Variants in ITGA9 observed in about 807,000 individuals in gnomAD.
ITGA9 encodes the protein integrin alpha-9.
ITGA9 carries 56 observed loss-of-function variants against 127.8 expected under a neutral mutation model. That is an observed-to-expected ratio of 0.44 (90% CI 0.35 to 0.55). ITGA9 has a LOEUF of 0.55. Ranked by LOEUF, ITGA9 falls within the 20% of genes least tolerant of loss-of-function variation. The probability of loss-of-function intolerance (pLI) is 0.00; values close to 1 mark genes in which losing one functional copy is unlikely to be tolerated. For synonymous variants in ITGA9, 508 were observed against 514.5 expected, an observed-to-expected ratio of 0.99 and a Z score of 0.17; for missense variants, 1,196 against 1,347.1, an observed-to-expected ratio of 0.89 and a Z score of 1.76.
At chr3:37,553,013 T>TAAA (rs10662748) in intron 15 of ITGA9, among the ~76,000 whole-genome samples, 7,331 of 137,034 alleles carry the variant, frequency 0.053, 234 homozygotes, top group African/African-American at 0.073. Context: ...AGACTCCATC[T>TAAA]AAAAAAAAAA....
At chr3:37,538,487 T>C (rs1559531493) in intron 14 of ITGA9, among the ~76,000 whole-genome samples, 1 of 152,130 alleles carries the variant, frequency 6.6e-6, no homozygotes, top group Non-Finnish European at 1.5e-5. Flanking sequence ...AAATGTGCTG[T>C]TGGAGCAGGC....
chr3:37,709,870 G>C (rs1701058956), intron 18 of ITGA9, among the ~76,000 whole-genome samples: 1 of 152,232 alleles, frequency 6.6e-6, no homozygotes. Flanking sequence ...TGCTACTCAG[G>C]AAGCAGAGGC....
At chr3:37,495,248 G>A (rs577990119) in intron 5 of ITGA9, among the ~76,000 whole-genome samples, 4 of 152,256 alleles carry the variant, frequency 2.6e-5, no homozygotes, top group Admixed American at 1.3e-4. Context: ...CACCACACCC[G>A]GCCTGAGAGA....
At position 37,599,225 on chromosome 3, in the gene ITGA9, A is replaced by G. The variant is rs746702205; in HGVS notation, c.1690-29962A>G. ...ACACAACAGCCATTTATTATTGTGT[A>G]TAAGTCTCTGGGTTAGCTGGATAGT... On this transcript the variant is annotated intron_variant, in intron 15 of 27. Coordinates refer to ENST00000264741, the MANE Select transcript of ITGA9 (RefSeq NM_002207.3). 9.9e-5 allele frequency among the ~76,000 whole-genome samples: 15 copies of G among 152,216 alleles called. 1 individual carries two copies. Among genetic ancestry groups the G allele is most frequent in the Admixed American group, 6.5e-4 (10 of 15,278 alleles).
intron 15 of ITGA9, among the ~76,000 whole-genome samples, chr3:37,556,909 C>G (rs1000928926): frequency 1.1e-4 from 16 of 152,170 alleles, no homozygotes; most frequent in African/African-American, 3.9e-4. Context: ...AGCTCGCCAG[C>G]CCACGCTGAT....
chr3:37,653,690 C>T, intron 16 of ITGA9, 24 bp from the exon 17 acceptor site: 1 of 1,582,858 alleles, frequency 6.3e-7, no homozygotes, highest in Middle Eastern at 1.7e-4. Flanking sequence ...CTGCCCTAAC[C>T]TTCCTCTCCT....
chr3:37,588,430 C>A (rs1344056348), intron 15 of ITGA9, among the ~76,000 whole-genome samples: 1 of 152,022 alleles, frequency 6.6e-6, no homozygotes, highest in Non-Finnish European at 1.5e-5. Flanking sequence ...CCCACAGAGG[C>A]TGCCCTTGGA....
In ITGA9 at chr3:37,452,353, G is replaced by A. The variant is rs1698200608; in HGVS notation, c.-22G>A. The stretch of plus-strand genomic sequence containing the variant: ...CGGCGCCCTGCTCGCCGGGCAGAGG[G>A]GAAGGCGGCGGCCGGCTGGGGATGG... On this transcript the variant is annotated 5_prime_UTR_variant, in exon 1 of 28. Coordinates refer to ENST00000264741, the MANE Select transcript of ITGA9 (RefSeq NM_002207.3). This position sits in a 1 kb window ranked among gnomAD's most constrained non-coding sequence, Gnocchi z 7.3. 3 of 1,148,506 alleles carry A rather than the reference G, an allele frequency of 2.6e-6. No homozygotes were observed. The highest frequency in any genetic ancestry group is 3.2e-6 in the Non-Finnish European group (3 of 937,300). 71.1% of individuals were successfully genotyped at this position (1,148,506 alleles called of 1,614,324 possible). A position where few individuals can be genotyped will look rare whatever the true frequency, so the allele number is the denominator to read the frequency against.
At chr3:37,523,874 T>C (rs1699068681) in intron 12 of ITGA9, among the ~76,000 whole-genome samples, 2 of 152,130 alleles carry the variant, frequency 1.3e-5, no homozygotes, top group South Asian at 2.1e-4. Context: ...GTAATTCTAA[T>C]GAAGAAAAAA....
At chr3:37,748,201 A>G (rs951500787) in intron 22 of ITGA9, 11 of 458,184 alleles carry the variant, frequency 2.4e-5, no homozygotes, top group East Asian at 1.6e-4. Context: ...GGCCACGTGT[A>G]TGCAAATCTA....
intron 15 of ITGA9, among the ~76,000 whole-genome samples, chr3:37,624,362 A>G (rs1700156754): frequency 6.6e-6 from 1 of 151,880 alleles, no homozygotes. Context: ...CCGAATTGAA[A>G]TGCGTGTCTT....
chr3:37,741,898 T>A, intron 21 of ITGA9, 79 bp downstream of exon 21: 1 of 1,182,390 alleles, frequency 8.5e-7, no homozygotes, highest in Non-Finnish European at 1.2e-6. Context: ...TTTGCATGTG[T>A]AGCCAGCCAG....
intron 15 of ITGA9, among the ~76,000 whole-genome samples, chr3:37,547,830 A>T (rs1026991522): frequency 2.6e-5 from 4 of 152,204 alleles, no homozygotes; most frequent in Non-Finnish European, 4.4e-5. Context: ...TATAGTTAAA[A>T]TTTTTAAATG....
chr3:37,616,057 A>G (rs1382095912), intron 15 of ITGA9, among the ~76,000 whole-genome samples: 1 of 152,094 alleles, frequency 6.6e-6, no homozygotes, highest in Non-Finnish European at 1.5e-5. Flanking sequence ...TTGTGATGTT[A>G]GGTTGTCAAT....
intron 18 of ITGA9, among the ~76,000 whole-genome samples, chr3:37,724,336 T>G (rs551008754): frequency 1.3e-5 from 2 of 152,318 alleles, no homozygotes; most frequent in African/African-American, 4.8e-5. Flanking sequence ...TTTGATATAT[T>G]TGCTTTTTTA....
chr3:37,778,340 C>T (rs571284023), intron 24 of ITGA9, among the ~76,000 whole-genome samples: 24 of 152,130 alleles, frequency 1.6e-4, no homozygotes, highest in South Asian at 4.2e-4. Context: ...AAAGACAGGC[C>T]GGGCACGGTG....
chr3:37,625,902 G>T (rs1021792841), intron 15 of ITGA9, among the ~76,000 whole-genome samples: 5 of 152,144 alleles, frequency 3.3e-5, no homozygotes, highest in Non-Finnish European at 7.3e-5. Context: ...GGTCCCTTCT[G>T]CCCAGAGCTA....
At chr3:37,801,196 A>G (rs1344958921) in intron 26 of ITGA9, among the ~76,000 whole-genome samples, 34 of 151,996 alleles carry the variant, frequency 2.2e-4, no homozygotes, top group Non-Finnish European at 4.6e-4. Context: ...GAGAAAAGAA[A>G]TGAAACCAGG....
chr3:37,741,866 G>C, intron 21 of ITGA9, 47 bp downstream of exon 21: 1 of 1,408,478 alleles, frequency 7.1e-7, no homozygotes, highest in Non-Finnish European at 1.0e-6. Flanking sequence ...GTGCCCTCCA[G>C]TGGAACACTG....
Sources: gnomAD v4.1 joint callset for allele counts (sites outside exome capture counted in the v4.1 genomes callset) on GRCh38, gnomAD v4.1.1 for gene constraint, Gnocchi (gnomAD v3.1) non-coding constraint, MANE v1.5 for transcripts, NCBI Gene and HGNC (gene_info 2026-07-23, HGNC 2026-07-21) for gene names.